Variants in ZC2HC1B observed in about 807,000 individuals in gnomAD.
ZC2HC1B encodes the protein zinc finger C2HC domain-containing protein 1B.
Under a neutral mutation model 31.0 loss-of-function variants are expected in ZC2HC1B, and 36 were observed. That is an observed-to-expected ratio of 1.16 (90% CI 0.89 to 1.54). The LOEUF (loss-of-function observed/expected upper bound fraction) is 1.54, where lower values mean the gene tolerates loss of function less well. ZC2HC1B is among the 40% of genes most tolerant of loss of function. The pLI, the probability that ZC2HC1B is intolerant of heterozygous loss-of-function variation, is 0.00. For synonymous variants in ZC2HC1B, 73 were observed against 88.0 expected (o/e 0.83, Z 0.95); for missense variants, 260 against 268.6 (o/e 0.97, Z 0.22).
rs186848159 is a variant in ZC2HC1B, at chr6:143,872,797, C to T, written c.28+8230C>T. On this transcript the variant is annotated intron_variant, in intron 1 of 7. Coordinates refer to ENST00000237275, the MANE Select transcript of ZC2HC1B (RefSeq NM_001013623.3). The surrounding 1 kb of genome is among the most constrained non-coding windows in gnomAD (Gnocchi z 5.5). ...ATCATAAGAATAGCATGGGAAAGAC[C>T]GGCCCCCATTTAGTTATCTTCCTCT... is the stretch of plus-strand genomic sequence containing the variant. 8.9e-4 allele frequency among the ~76,000 whole-genome samples: 136 copies of T among 152,196 alleles called. No homozygotes were observed. Among genetic ancestry groups the T allele is most frequent in the African/African-American group, 2.9e-3 (122 of 41,526 alleles).
intron 6 of ZC2HC1B, among the ~76,000 whole-genome samples, chr6:143,919,793 C>A (rs969518268): frequency 1.3e-5 from 2 of 152,136 alleles, no homozygotes; most frequent in African/African-American, 4.8e-5. Flanking sequence ...CTGTTCAAGC[C>A]TTCCCCTGGA....
chr6:143,884,324 C>T lies in ZC2HC1B; in HGVS notation c.49C>T (p.Pro17Ser), dbSNP rs866910730. The T allele has an allele frequency of 1.3e-6, 2 of 1,532,150 alleles. No homozygotes were observed. The highest frequency in any genetic ancestry group is 1.4e-5 in the African/African-American group (1 of 72,784). 94.9% of individuals were successfully genotyped at this position (1,532,150 alleles called of 1,614,324 possible). A position where few individuals can be genotyped will look rare whatever the true frequency, so the allele number is the denominator to read the frequency against. ...FLADGNQELFPCEVCGRRFAA... is the reference protein window; with the variant it reads ...FLADGNQELFSCEVCGRRFAA... ...CACAGATGGCAATCAGGAATTGTTT[C>T]CCTGTGAAGTCTGTGGAAGACGTTT... The change falls in exon 2 of 8, where the codon CCC (proline) becomes TCC (serine). Residue 17 changes from proline to serine, a missense_variant. By Grantham distance (74) the Pro-to-Ser change is moderately conservative. Coordinates refer to ENST00000237275, the MANE Select transcript of ZC2HC1B (RefSeq NM_001013623.3). The surrounding 1 kb of genome is among the most constrained non-coding windows in gnomAD (Gnocchi z 5.1).
rs1261966531 is a variant in ZC2HC1B at position 143,864,597 on chromosome 6, G to GA, written c.28+34dup. The GA allele has an allele frequency of 6.4e-6, 10 of 1,551,154 alleles. No homozygotes were observed. In the South Asian group the frequency reaches 1.2e-4, roughly 18 times the overall value. ...GCTGCACTTGATATCTAAATTATTA[G>GA]AAAATGCCTTCATCTGTAATCATTC... On this transcript the variant is annotated intron_variant, in intron 1 of 7. Transcript: ENST00000237275.
chr6:143,936,767 G>A (rs894689472), intron 6 of ZC2HC1B, among the ~76,000 whole-genome samples: 2 of 152,196 alleles, frequency 1.3e-5, no homozygotes, highest in African/African-American at 2.4e-5. Flanking sequence ...TTTACTTCTG[G>A]AGCCAGTGGA....
rs529858700 is a variant in ZC2HC1B, at chr6:143,893,780, A to G, written c.350-4772A>G. 5.7e-3 allele frequency among the ~76,000 whole-genome samples: 869 copies of G among 151,950 alleles called. 5 individuals carry two copies. The highest frequency in any genetic ancestry group is 9.0e-3 in the Non-Finnish European group (611 of 67,954). ...CGGCTCACTGCAAGCTCCGCCTCCC[A>G]GGTTCACGCCATTCTCCTGCTTCAG... On this transcript the variant is annotated intron_variant, in intron 4 of 7. Transcript: ENST00000237275.
Position 143,865,359 on chromosome 6 carries a change from T to C in ZC2HC1B, c.28+792T>C, listed in dbSNP as rs928764941. ...TATCGTGGTAAGTACCACTTGTAAT[T>C]AGAATCTTGGTACTTGCTGTTCCCC... On this transcript the variant is annotated intron_variant, in intron 1 of 7. Transcript: ENST00000237275. The surrounding 1 kb of genome is among the most constrained non-coding windows in gnomAD (Gnocchi z 4.4). 3.9e-5 allele frequency among the ~76,000 whole-genome samples: 6 copies of C among 152,194 alleles called. No individual in the cohort carries two copies. The highest frequency in any genetic ancestry group is 1.4e-4 in the African/African-American group (6 of 41,452).
rs139823078 is a variant in ZC2HC1B, at chr6:143,927,472, G to T, written c.599-10177G>T. On this transcript the variant is annotated intron_variant, in intron 6 of 7. Transcript: ENST00000237275. ...CAAATCCATACATGTAGCTGCAAAA[G>T]ACATTATATTATTTTTTTCATGGAT... 1.3e-4 allele frequency among the ~76,000 whole-genome samples: 20 copies of T among 152,200 alleles called. No homozygotes were observed. In the East Asian group the frequency reaches 3.9e-3, roughly 29 times the overall value.
intron 1 of ZC2HC1B, among the ~76,000 whole-genome samples, chr6:143,874,497 C>T (rs1239365989): frequency 6.6e-6 from 1 of 152,142 alleles, no homozygotes; most frequent in Non-Finnish European, 1.5e-5. Flanking sequence ...TAAAGACATA[C>T]CTGAGACTGG....
chr6:143,916,128 AG>A (rs1005494422), intron 6 of ZC2HC1B, among the ~76,000 whole-genome samples: 7 of 152,198 alleles, frequency 4.6e-5, no homozygotes, highest in African/African-American at 1.7e-4. Context: ...TGTGCAGTCT[AG>A]GGACTTGGTG....
chr6:143,926,807 A>G (rs184851397), intron 6 of ZC2HC1B, among the ~76,000 whole-genome samples: 14 of 138,068 alleles, frequency 1.0e-4, no homozygotes, highest in African/African-American at 3.3e-4. Context: ...TTAAGTTCAT[A>G]TATATTTAGA....
At chr6:143,867,462 GT>G (rs1480522243) in intron 1 of ZC2HC1B, among the ~76,000 whole-genome samples, 2 of 152,214 alleles carry the variant, frequency 1.3e-5, no homozygotes, top group Admixed American at 6.5e-5. Context: ...TGATGAGTGA[GT>G]TTTAGGGAAC....
intron 1 of ZC2HC1B, among the ~76,000 whole-genome samples, chr6:143,877,272 CTTTTTT>C (rs34994479): frequency 1.1e-3 from 45 of 42,592 alleles, no homozygotes; most frequent in African/African-American, 2.5e-3. Flanking sequence ...TTTTTAATTT[CTTTTTT>C]TTTTTTTTTT....
chr6:143,904,076 AT>A (rs949502559), intron 6 of ZC2HC1B, among the ~76,000 whole-genome samples: 1 of 152,200 alleles, frequency 6.6e-6, no homozygotes, highest in Admixed American at 6.5e-5. Flanking sequence ...TAATTTGCAT[AT>A]CTCTAATGAC....
chr6:143,875,275 A>G (rs931111879), intron 1 of ZC2HC1B, among the ~76,000 whole-genome samples: 2 of 152,180 alleles, frequency 1.3e-5, no homozygotes, highest in East Asian at 3.9e-4. Flanking sequence ...GGCCTTGGTC[A>G]AGGGTATATT....
chr6:143,930,381 C>CTTTT (rs34308015), intron 6 of ZC2HC1B, among the ~76,000 whole-genome samples: 2 of 111,772 alleles, frequency 1.8e-5, no homozygotes, highest in Non-Finnish European at 3.5e-5. Context: ...TTGAGAGTTT[C>CTTTT]TTTTTTTTTT....
Position 143,903,249 on chromosome 6 carries a change from A to T in ZC2HC1B, c.598+97A>T, listed in dbSNP as rs909861441. On this transcript the variant is annotated intron_variant, in intron 6 of 7. Transcript: ENST00000237275. The surrounding 1 kb of genome is among the most constrained non-coding windows in gnomAD (Gnocchi z 4.3). ...ACTGGTAGTCTGCAAAAGCTCTAAG[A>T]CATTCACTGTTGCTTTTGGATGCAA... is the stretch of plus-strand genomic sequence containing the variant. The T allele has an allele frequency of 9.3e-7, 1 of 1,072,100 alleles. No individual in the cohort carries two copies. Among genetic ancestry groups the T allele is most frequent in the Non-Finnish European group, 1.4e-6 (1 of 721,572 alleles). 66.4% of individuals were successfully genotyped at this position (1,072,100 alleles called of 1,614,324 possible).
At chr6:143,930,800 T>C (rs992834060) in intron 6 of ZC2HC1B, among the ~76,000 whole-genome samples, 1 of 152,250 alleles carries the variant, frequency 6.6e-6, no homozygotes, top group Non-Finnish European at 1.5e-5. Flanking sequence ...ACATGTTGTC[T>C]ATCTTGGAGA....
At chr6:143,925,110 C>T (rs1033119888) in intron 6 of ZC2HC1B, among the ~76,000 whole-genome samples, 10 of 150,628 alleles carry the variant, frequency 6.6e-5, no homozygotes, top group Admixed American at 2.6e-4. Context: ...TAAAGACATC[C>T]GGTGCTGAGC....
chr6:143,885,117 G>C lies in ZC2HC1B; in HGVS notation c.90+752G>C, dbSNP rs1183118041. 6.6e-6 allele frequency among the ~76,000 whole-genome samples: 1 copy of C among 152,118 alleles called. No individual in the cohort carries two copies. Among genetic ancestry groups the C allele is most frequent in the Admixed American group, 6.5e-5 (1 of 15,270 alleles). On this transcript the variant is annotated intron_variant, in intron 2 of 7. Coordinates refer to ENST00000237275, the MANE Select transcript of ZC2HC1B (RefSeq NM_001013623.3). This position sits in a 1 kb window ranked among gnomAD's most constrained non-coding sequence, Gnocchi z 4.2. ...CATTTTAGATAAAGGAGACTTATCTGGAACTTAAAGGATGTGGACTGTAAG... is the reference window on the plus strand; with the variant it reads ...CATTTTAGATAAAGGAGACTTATCTCGAACTTAAAGGATGTGGACTGTAAG...
Sources: gnomAD v4.1 joint callset for allele counts (sites outside exome capture counted in the v4.1 genomes callset) on GRCh38, gnomAD v4.1.1 for gene constraint, Gnocchi (gnomAD v3.1) non-coding constraint, MANE v1.5 for transcripts, NCBI Gene and HGNC (gene_info 2026-07-23, HGNC 2026-07-21) for gene names.